The following PIP5K1B variants were observed in gnomAD, a reference collection of about 807,000 sequenced individuals.
PIP5K1B encodes phosphatidylinositol-4-phosphate 5-kinase type 1 beta.
PIP5K1B carries 42 observed loss-of-function variants against 67.0 expected under a neutral mutation model. The observed-to-expected ratio is 0.63, with a 90% CI of 0.49 to 0.81. The LOEUF (loss-of-function observed/expected upper bound fraction) is 0.81. PIP5K1B is among the 30% of genes least tolerant of loss of function. The pLI is 0.00. For missense variants in PIP5K1B, 459 were observed against 646.3 expected, an observed-to-expected ratio of 0.71 and a Z score of 3.14; for synonymous variants, 214 against 231.4, an observed-to-expected ratio of 0.92 and a Z score of 0.68.
At chr9:68,818,691 C>T (rs1452231253) in intron 3 of PIP5K1B, 146 bp downstream of exon 3, 3 of 151,860 alleles carry the variant, frequency 2.0e-5, no homozygotes, top group Non-Finnish European at 4.4e-5. Flanking sequence ...TTGAATAAAA[C>T]ATCAAGCAAA....
At position 68,794,318 on chromosome 9, in the gene PIP5K1B, T is replaced by C. The variant is rs563421282; in HGVS notation, c.-85-24143T>C. ...TTATTGGTAAATTGGTATTAAGTGT[T>C]TCACAAGAAATACTCCTTTACACGT... On this transcript the variant is annotated intron_variant, in intron 2 of 15. Transcript: ENST00000265382. Among the ~76,000 whole-genome samples, 8 of 152,330 alleles carry C rather than the reference T, an allele frequency of 5.3e-5. No individual in the cohort carries two copies. In the South Asian group the frequency reaches 1.7e-3, roughly 32 times the overall value.
intron 8 of PIP5K1B, among the ~76,000 whole-genome samples, chr9:68,910,007 C>A (rs1825783525): frequency 6.6e-6 from 1 of 152,246 alleles, no homozygotes; most frequent in East Asian, 1.9e-4. Context: ...GACAAGGGAG[C>A]AGAGGACAGG....
At chr9:68,970,544 G>C (rs1183586421) in intron 14 of PIP5K1B, among the ~76,000 whole-genome samples, 1 of 152,212 alleles carries the variant, frequency 6.6e-6, no homozygotes, top group Admixed American at 6.5e-5. Flanking sequence ...AAGATGGATG[G>C]AACTTTTGTT....
At chr9:68,761,355 C>T (rs78762830) in intron 2 of PIP5K1B, among the ~76,000 whole-genome samples, 1,730 of 152,192 alleles carry the variant, frequency 0.011, 38 homozygotes, top group African/African-American at 0.039. Context: ...GTTCTTGTCT[C>T]TCCTTTGGGG....
chr9:68,947,880 A>C (rs1827877150), intron 14 of PIP5K1B, among the ~76,000 whole-genome samples: 1 of 152,224 alleles, frequency 6.6e-6, no homozygotes, highest in Non-Finnish European at 1.5e-5. Flanking sequence ...ATAGATCTTT[A>C]GTTTGAGAAT....
intron 1 of PIP5K1B, among the ~76,000 whole-genome samples, chr9:68,728,451 G>A (rs187889701): frequency 4.6e-5 from 7 of 152,122 alleles, no homozygotes; most frequent in East Asian, 1.9e-4. Flanking sequence ...GCCCCACCTC[G>A]TAATACCATC....
chr9:68,753,770 C>T (rs560295750), intron 2 of PIP5K1B, among the ~76,000 whole-genome samples: 13 of 151,988 alleles, frequency 8.6e-5, no homozygotes, highest in Middle Eastern at 3.4e-3. Context: ...GTGATCTGCC[C>T]GCCTCGGCCT....
chr9:68,893,068 G>A (rs892446231), intron 7 of PIP5K1B, among the ~76,000 whole-genome samples: 2 of 151,230 alleles, frequency 1.3e-5, no homozygotes, highest in African/African-American at 2.4e-5. Context: ...GTAAGACTCC[G>A]TCTCTCAAAA....
intron 2 of PIP5K1B, among the ~76,000 whole-genome samples, chr9:68,759,492 A>G (rs969063770): frequency 6.6e-6 from 1 of 152,118 alleles, no homozygotes; most frequent in Non-Finnish European, 1.5e-5. Context: ...AAAATATACA[A>G]GTAACCCAAA....
intron 7 of PIP5K1B, among the ~76,000 whole-genome samples, chr9:68,893,816 T>A (rs1024083862): frequency 6.6e-6 from 1 of 152,198 alleles, no homozygotes; most frequent in Non-Finnish European, 1.5e-5. Flanking sequence ...GGCATTCAAA[T>A]TTTTAAAAAC....
intron 2 of PIP5K1B, among the ~76,000 whole-genome samples, chr9:68,791,313 G>C (rs940495857): frequency 1.3e-5 from 2 of 152,208 alleles, no homozygotes; most frequent in Non-Finnish European, 2.9e-5. Context: ...TAGCTGTTGA[G>C]TATTGGTATC....
chr9:68,958,863 A>G (rs564829537), intron 14 of PIP5K1B, among the ~76,000 whole-genome samples: 2 of 152,328 alleles, frequency 1.3e-5, no homozygotes, highest in South Asian at 4.1e-4. Flanking sequence ...GGTGACAGAG[A>G]AAAGTATTTT....
At position 68,889,189 on chromosome 9, in the gene PIP5K1B, C is replaced by T. The variant is rs118037739; in HGVS notation, c.471+56C>T. On this transcript the variant is annotated intron_variant, in intron 7 of 15. Coordinates refer to ENST00000265382, the MANE Select transcript of PIP5K1B (RefSeq NM_003558.4). ...CTTGAAGTTTAATTACTTTCCTCAACAGTTTTTTTCTGTTGTTTTTTTCAG... is the reference window on the plus strand; with the variant it reads ...CTTGAAGTTTAATTACTTTCCTCAATAGTTTTTTTCTGTTGTTTTTTTCAG... 1,180 of 1,390,620 alleles carry T rather than the reference C, an allele frequency of 8.5e-4. 20 individuals carry two copies. In the East Asian group the frequency reaches 0.026, roughly 31 times the overall value. 86.1% of individuals were successfully genotyped at this position (1,390,620 alleles called of 1,614,324 possible).
chr9:68,973,236 C>T (rs1202028632), intron 14 of PIP5K1B, among the ~76,000 whole-genome samples: 1 of 152,004 alleles, frequency 6.6e-6, no homozygotes, highest in Non-Finnish European at 1.5e-5. Flanking sequence ...CAGAGCGAGA[C>T]TCCATCTCAA....
At chr9:68,754,136 A>G (rs1829787446) in intron 2 of PIP5K1B, among the ~76,000 whole-genome samples, 1 of 145,224 alleles carries the variant, frequency 6.9e-6, no homozygotes, top group Non-Finnish European at 1.5e-5. Flanking sequence ...ATGGTGAATC[A>G]TTTTATTAAT....
At chr9:68,760,843 G>A (rs1830152901) in intron 2 of PIP5K1B, among the ~76,000 whole-genome samples, 1 of 152,052 alleles carries the variant, frequency 6.6e-6, no homozygotes, top group African/African-American at 2.4e-5. Context: ...GGCAGGGGAT[G>A]GAAAGGTATT....
intron 1 of PIP5K1B, among the ~76,000 whole-genome samples, chr9:68,740,162 T>C (rs1828935174): frequency 6.6e-6 from 1 of 152,182 alleles, no homozygotes; most frequent in African/African-American, 2.4e-5. Context: ...CTGCTATATA[T>C]GTGTTTGCAT....
At chr9:68,786,419 C>A (rs11143717) in intron 2 of PIP5K1B, among the ~76,000 whole-genome samples, 1,729 of 152,042 alleles carry the variant, frequency 0.011, 42 homozygotes, top group African/African-American at 0.039. Flanking sequence ...GTCCCTATTA[C>A]TGTCTATTTT....
intron 2 of PIP5K1B, among the ~76,000 whole-genome samples, chr9:68,750,323 C>A (rs1204431337): frequency 6.6e-6 from 1 of 152,228 alleles, no homozygotes; most frequent in East Asian, 1.9e-4. Context: ...GATTGCCTGT[C>A]AGTTATGCTA....
Sources: gnomAD v4.1 joint callset for allele counts (sites outside exome capture counted in the v4.1 genomes callset) on GRCh38, gnomAD v4.1.1 for gene constraint, MANE v1.5 for transcripts, NCBI Gene and HGNC (gene_info 2026-07-23, HGNC 2026-07-21) for gene names.